The following PC variants were observed in gnomAD, a reference collection of about 807,000 sequenced individuals.
PC encodes the protein pyruvate carboxylase, mitochondrial.
In PC, 46 loss-of-function variants were observed where a neutral mutation model predicts 107.8. That is an observed-to-expected ratio of 0.43 (90% CI 0.34 to 0.55). The LOEUF is 0.55. PC is among the 20% of genes least tolerant of loss of function. PC has a pLI of 0.04. For missense variants in PC, 1,241 were observed against 1,643.1 expected (o/e 0.76, Z 4.23); for synonymous variants, 662 against 684.7 (o/e 0.97, Z 0.52).
At chr11:66,872,216 A>C in intron 3 of PC, 57 bp from the exon 4 acceptor site, 4 of 1,548,106 alleles carry the variant, frequency 2.6e-6, no homozygotes, top group Non-Finnish European at 3.5e-6. Context: ...GGCTCCTCAG[A>C]ATGAGTGAGG....
chr11:66,907,717 G>C (rs544164666), intron 3 of PC: 56 of 152,300 alleles, frequency 3.7e-4, no homozygotes, highest in African/African-American at 1.3e-3. Flanking sequence ...CTAACTGCTA[G>C]AAAGCTGCCA....
At chr11:66,850,646 T>G (rs1206271346) in intron 18 of PC, 28 bp downstream of exon 18, 1 of 1,604,270 alleles carries the variant, frequency 6.2e-7, no homozygotes, top group Middle Eastern at 1.8e-4. Context: ...TTGAGAGGGG[T>G]GTGGCCACGG....
At chr11:66,938,609 T>A (rs1197873838) in intron 3 of PC, among the ~76,000 whole-genome samples, 1 of 152,068 alleles carries the variant, frequency 6.6e-6, no homozygotes, top group Non-Finnish European at 1.5e-5. Context: ...ATATAGAAAA[T>A]TTTTTAAACA....
Position 66,933,729 on chromosome 11 carries a change from G to A in PC, c.-1+18701C>T, listed in dbSNP as rs866136991. Among the ~76,000 whole-genome samples, 9 of 151,818 alleles carry A rather than the reference G, an allele frequency of 5.9e-5. No individual in the cohort carries two copies. In the South Asian group the frequency reaches 6.2e-4, roughly 11 times the overall value. ...CCCTAACCTCCACTTGCATCATTCC[G>A]GAATGTCTGAGTTACATTCCCTGCT... On this transcript the variant is annotated intron_variant, in intron 3 of 22. Transcript: ENST00000393960.
intron 3 of PC, among the ~76,000 whole-genome samples, chr11:66,938,494 A>G (rs1949050878): frequency 6.6e-6 from 1 of 152,126 alleles, no homozygotes; most frequent in Non-Finnish European, 1.5e-5. Context: ...AGTACCTAGT[A>G]CTCGACCGTA....
intron 3 of PC, among the ~76,000 whole-genome samples, chr11:66,894,031 C>T (rs1260789663): frequency 6.6e-6 from 1 of 152,030 alleles, no homozygotes; most frequent in Non-Finnish European, 1.5e-5. Context: ...CCTCTTCTTA[C>T]TACTTAACTA....
At chr11:66,908,963 C>T (rs942070201) in intron 3 of PC, among the ~76,000 whole-genome samples, 1 of 152,174 alleles carries the variant, frequency 6.6e-6, no homozygotes, top group African/African-American at 2.4e-5. Flanking sequence ...GCTTCCCTTC[C>T]AGCCCATGAA....
rs894377525 is a variant in PC, at chr11:66,866,679, T to A, written c.1023-330A>T. On this transcript the variant is annotated intron_variant, in intron 10 of 22. Coordinates refer to ENST00000393960, the MANE Select transcript of PC (RefSeq NM_001040716.2). The surrounding 1 kb of genome is among the most constrained non-coding windows in gnomAD (Gnocchi z 5.4). The stretch of plus-strand genomic sequence containing the variant: ...CTCCTCCCTGTACTCTGCCTCCTCC[T>A]TCCTTGAGGTCTGTTTTCCCCACTC... Among the ~76,000 whole-genome samples, 1 of 152,176 alleles carries A rather than the reference T, an allele frequency of 6.6e-6. No homozygotes were observed. Among genetic ancestry groups the A allele is most frequent in the Non-Finnish European group, 1.5e-5 (1 of 68,026 alleles).
chr11:66,919,837 C>G (rs1325889744), intron 3 of PC: 1 of 152,114 alleles, frequency 6.6e-6, no homozygotes, highest in Non-Finnish European at 1.5e-5. Context: ...AAAATAAAAA[C>G]AAAAACCTAA....
At chr11:66,953,041 A>G (rs1054955669) in intron 2 of PC, among the ~76,000 whole-genome samples, 1 of 152,244 alleles carries the variant, frequency 6.6e-6, no homozygotes, top group Admixed American at 6.5e-5. Flanking sequence ...ATACCCAATG[A>G]GGCAGCACAC....
At position 66,859,881 on chromosome 11, in the gene PC, G is replaced by A. The variant is rs770117533; in HGVS notation, c.1368+3893C>T. 6.4e-6 allele frequency: 10 copies of A among 1,568,312 alleles called. No homozygotes were observed. In the East Asian group the frequency reaches 1.6e-4, roughly 25 times the overall value. On this transcript the variant is annotated intron_variant, in intron 12 of 22. Coordinates refer to ENST00000393960, the MANE Select transcript of PC (RefSeq NM_001040716.2). ...GGGTGTGCTGGTGGCTGCCTTACTG[G>A]TCTTCACTGTGGCCTTGCTGGTTCG...
chr11:66,956,400 C>G (rs1010045568), intron 1 of PC, among the ~76,000 whole-genome samples: 4 of 152,138 alleles, frequency 2.6e-5, no homozygotes, highest in African/African-American at 9.6e-5. Flanking sequence ...GCCTGGCCAA[C>G]ATGGTGAAAC....
chr11:66,954,253 G>A lies in PC; in HGVS notation c.-44C>T, dbSNP rs529215600. On this transcript the variant is annotated 5_prime_UTR_variant, in exon 2 of 23. Transcript: ENST00000393960. Reference sequence around the variant, plus strand: ...GGCTGACACAGAAGAGGGTACCTGCGGAGGCAAATGGAAGAAAGAGCCCAA... The same window carrying A: ...GGCTGACACAGAAGAGGGTACCTGCAGAGGCAAATGGAAGAAAGAGCCCAA... 3.5e-4 allele frequency: 53 copies of A among 152,352 alleles called. No homozygotes were observed. The highest frequency in any genetic ancestry group is 1.2e-3 in the African/African-American group (50 of 41,566). The allele number at this position is 152,352 out of a possible 1,614,324, so 9.4% of individuals were successfully genotyped here. A position where few individuals can be genotyped will look rare whatever the true frequency, so the allele number is the denominator to read the frequency against.
At position 66,871,606 on chromosome 11, in the gene PC, A is replaced by G; in HGVS notation, c.321+81T>C. ...CCACCCACGCACAGAGGCGCTGAGCACGCCAGCCTCAAGAGACCCCCGCGG... is the reference window on the plus strand; with the variant it reads ...CCACCCACGCACAGAGGCGCTGAGCGCGCCAGCCTCAAGAGACCCCCGCGG... On this transcript the variant is annotated intron_variant, in intron 5 of 22. Coordinates refer to ENST00000393960, the MANE Select transcript of PC (RefSeq NM_001040716.2). This position sits in a 1 kb window ranked among gnomAD's most constrained non-coding sequence, Gnocchi z 7.4. The G allele has an allele frequency of 6.4e-7, 1 of 1,568,610 alleles. No homozygotes were observed. Among genetic ancestry groups the G allele is most frequent in the Non-Finnish European group, 8.7e-7 (1 of 1,149,556 alleles).
chr11:66,955,259 G>A (rs1949532478), intron 1 of PC, among the ~76,000 whole-genome samples: 1 of 152,222 alleles, frequency 6.6e-6, no homozygotes, highest in South Asian at 2.1e-4. Context: ...GATAAGAGTA[G>A]TGAATCTGAG....
intron 3 of PC, among the ~76,000 whole-genome samples, chr11:66,882,881 A>G (rs1947232914): frequency 6.6e-6 from 1 of 152,206 alleles, no homozygotes; most frequent in Admixed American, 6.5e-5. Flanking sequence ...GGCTGATATC[A>G]AAGCACCCAA....
At chr11:66,927,528 C>T (rs1226403728) in intron 3 of PC, among the ~76,000 whole-genome samples, 1 of 151,762 alleles carries the variant, frequency 6.6e-6, no homozygotes, top group Non-Finnish European at 1.5e-5. Context: ...TCAAGACCAG[C>T]CTGGCCAACA....
Position 66,866,233 on chromosome 11 carries a change from G to C in PC, c.1139C>G (p.Thr380Ser), listed in dbSNP as rs1348212836. 4 of 1,612,294 alleles carry C rather than the reference G, an allele frequency of 2.5e-6. No individual in the cohort carries two copies. Among genetic ancestry groups the C allele is most frequent in the Non-Finnish European group, 3.4e-6 (4 of 1,179,814 alleles). The change falls in exon 11 of 23, where the codon ACC becomes AGC. Residue 380 changes from threonine to serine, a missense_variant. By Grantham distance (58) the Thr-to-Ser change is moderately conservative. Transcript: ENST00000393960. The surrounding 1 kb of genome is among the most constrained non-coding windows in gnomAD (Gnocchi z 5.4). ...CTGGAAGCTGCGCGCGGGGTCCTCG[G>C]TGGTGACCCGGCACTGGATGGCACA... ...NGCAIQCRVTTEDPARSFQPD... is the reference protein window; with the variant it reads ...NGCAIQCRVTSEDPARSFQPD...
chr11:66,863,077 C>G (rs1946341162), intron 12 of PC, among the ~76,000 whole-genome samples: 1 of 152,180 alleles, frequency 6.6e-6, no homozygotes, highest in Non-Finnish European at 1.5e-5. Context: ...CACGGTGGCT[C>G]ACACCTGTAA....
Sources: gnomAD v4.1 joint callset for allele counts (sites outside exome capture counted in the v4.1 genomes callset) on GRCh38, gnomAD v4.1.1 for gene constraint, Gnocchi (gnomAD v3.1) non-coding constraint, MANE v1.5 for transcripts, NCBI Gene and HGNC (gene_info 2026-07-23, HGNC 2026-07-21) for gene names.